Variants in GPHN observed in about 807,000 individuals in gnomAD.
GPHN encodes gephyrin.
Under a neutral mutation model 95.5 loss-of-function variants are expected in GPHN, and 17 were observed. The ratio of observed to expected loss-of-function variants is 0.18; its 90% confidence interval spans 0.12 to 0.27. The LOEUF is 0.27. GPHN is among the 10% of genes least tolerant of loss of function. The pLI is 1.00. For synonymous variants in GPHN, 320 were observed against 322.5 expected (o/e 0.99, Z 0.08); for missense variants, 660 against 978.1 (o/e 0.67, Z 4.34).
chr14:67,544,353 T>TA, the GPHN span, among the ~76,000 whole-genome samples: 1 of 152,138 alleles, frequency 6.6e-6, no homozygotes, highest in African/African-American at 2.4e-5. Context: ...GGGCCAGTGA[T>TA]ACCCCTGGGG....
chr14:67,642,284 G>A, the GPHN span: 1 of 1,614,090 alleles, frequency 6.2e-7, no homozygotes, highest in South Asian at 1.1e-5. Context: ...AGTGGGTCTT[G>A]CCAACCAGGA....
the GPHN span, chr14:67,395,309 G>C: frequency 2.8e-6 from 3 of 1,086,146 alleles, no homozygotes; most frequent in Middle Eastern, 3.1e-4. Flanking sequence ...AGACTGTGCA[G>C]CAAGCACAGA....
At chr14:67,149,168 A>G (rs1186343111) in intron 18 of GPHN, among the ~76,000 whole-genome samples, 1 of 151,542 alleles carries the variant, frequency 6.6e-6, no homozygotes, top group Non-Finnish European at 1.5e-5. Context: ...ACATGGTGAA[A>G]CCCCGTCTCT....
chr14:67,144,462 A>C (rs1300185382), intron 18 of GPHN, among the ~76,000 whole-genome samples: 4 of 151,314 alleles, frequency 2.6e-5, no homozygotes, highest in Non-Finnish European at 5.9e-5. Context: ...TAAAAGTAAA[A>C]TATTGTTTAC....
At chr14:67,362,266 C>T in the GPHN span, among the ~76,000 whole-genome samples, 1 of 151,830 alleles carries the variant, frequency 6.6e-6, no homozygotes, top group African/African-American at 2.4e-5. Context: ...GTGATCCACC[C>T]GCCTCGGCCT....
chr14:67,266,979 C>T, the GPHN span, among the ~76,000 whole-genome samples: 1 of 151,732 alleles, frequency 6.6e-6, no homozygotes, highest in African/African-American at 2.4e-5. Flanking sequence ...CGTGGTGGCC[C>T]ATTCCTGTAC....
the GPHN span, among the ~76,000 whole-genome samples, chr14:67,679,752 T>A: frequency 1.3e-5 from 2 of 152,216 alleles, no homozygotes; most frequent in African/African-American, 4.8e-5. Flanking sequence ...GAAAATTTTC[T>A]TAAGGACAAT....
chr14:67,156,258 A>G (rs1042661354), intron 18 of GPHN, among the ~76,000 whole-genome samples: 1 of 152,140 alleles, frequency 6.6e-6, no homozygotes, highest in Non-Finnish European at 1.5e-5. Flanking sequence ...TATATTGTCA[A>G]CATAGTATAT....
chr14:67,014,489 A>G (rs934470685), intron 9 of GPHN, among the ~76,000 whole-genome samples: 7 of 152,134 alleles, frequency 4.6e-5, no homozygotes, highest in African/African-American at 1.7e-4. Context: ...TCTCATCGCT[A>G]AGAGAAACAG....
the GPHN span, among the ~76,000 whole-genome samples, chr14:67,606,377 C>T: frequency 6.6e-6 from 1 of 152,124 alleles, no homozygotes; most frequent in South Asian, 2.1e-4. Context: ...CTTGTAATAT[C>T]AGGATACTTT....
At chr14:66,915,034 G>A (rs1348792017) in intron 5 of GPHN, among the ~76,000 whole-genome samples, 1 of 152,004 alleles carries the variant, frequency 6.6e-6, no homozygotes, top group Non-Finnish European at 1.5e-5. Flanking sequence ...AGGCCAGCAG[G>A]TGATTCAGTA....
chr14:67,651,084 C>T, the GPHN span: 1 of 947,834 alleles, frequency 1.1e-6, no homozygotes, highest in Non-Finnish European at 1.6e-6. Context: ...GTGACCAATA[C>T]TACTGTAAAT....
At chr14:66,581,173 C>T (rs1162144228) in intron 1 of GPHN, among the ~76,000 whole-genome samples, 1 of 148,684 alleles carries the variant, frequency 6.7e-6, no homozygotes, top group Non-Finnish European at 1.5e-5. Flanking sequence ...CAATAAAGGT[C>T]ATATATGATA....
chr14:67,003,639 T>C (rs897621242), intron 9 of GPHN, among the ~76,000 whole-genome samples: 3 of 151,604 alleles, frequency 2.0e-5, no homozygotes, highest in African/African-American at 7.2e-5. Flanking sequence ...TCAATCACTG[T>C]TTGTTGAAGG....
intron 8 of GPHN, among the ~76,000 whole-genome samples, chr14:66,944,382 G>A (rs562777435): frequency 4.6e-5 from 7 of 152,202 alleles, no homozygotes; most frequent in Non-Finnish European, 8.8e-5. Flanking sequence ...TTGCCACATG[G>A]TTACAGGCTT....
At chr14:67,653,639 G>A in the GPHN span, 159 of 678,600 alleles carry the variant, frequency 2.3e-4, no homozygotes, top group African/African-American at 2.4e-3. Flanking sequence ...GATGGCCTTT[G>A]AGTGTAAGTA....
chr14:67,592,319 A>G, the GPHN span: 2 of 437,174 alleles, frequency 4.6e-6, no homozygotes, highest in South Asian at 4.1e-5. Context: ...GCACACCTGT[A>G]GTCCCAAGTT....
the GPHN span, among the ~76,000 whole-genome samples, chr14:67,421,387 C>T: frequency 3.3e-5 from 5 of 152,192 alleles, no homozygotes; most frequent in South Asian, 4.2e-4. Context: ...TTATGTGGAC[C>T]GACCTCCACT....
the GPHN span, among the ~76,000 whole-genome samples, chr14:67,371,519 A>G: frequency 1.3e-5 from 2 of 152,180 alleles, no homozygotes; most frequent in African/African-American, 4.8e-5. Context: ...TTATCATGCA[A>G]ATTTCATAGA....
Sources: gnomAD v4.1 joint callset for allele counts (sites outside exome capture counted in the v4.1 genomes callset) on GRCh38, gnomAD v4.1.1 for gene constraint, MANE v1.5 for transcripts, NCBI Gene and HGNC (gene_info 2026-07-23, HGNC 2026-07-21) for gene names.